Variants in ZNF385B observed in about 807,000 individuals in gnomAD.
ZNF385B encodes zinc finger protein 533.
A neutral mutation model predicts 39.2 loss-of-function variants in ZNF385B; 23 were observed. The ratio of observed to expected loss-of-function variants is 0.59; its 90% CI spans 0.42 to 0.83. The LOEUF is 0.83. ZNF385B is among the 40% of genes least tolerant of loss of function. The pLI, the probability that ZNF385B is intolerant of heterozygous loss-of-function variation, is 0.00. For synonymous variants in ZNF385B, 205 were observed against 222.6 expected (o/e 0.92, Z 0.70); for missense variants, 552 against 598.9 (o/e 0.92, Z 0.82).
intron 3 of ZNF385B, among the ~76,000 whole-genome samples, chr2:179,563,440 T>G (rs1684171295): frequency 6.6e-6 from 1 of 152,214 alleles, no homozygotes; most frequent in Non-Finnish European, 1.5e-5. Context: ...CACCTTTGGT[T>G]GGGCAACTTA....
chr2:179,615,044 CA>C (rs779021823), intron 3 of ZNF385B, among the ~76,000 whole-genome samples: 2 of 152,166 alleles, frequency 1.3e-5, no homozygotes, highest in Non-Finnish European at 2.9e-5. Context: ...CCATCACTAC[CA>C]ACAATCATCT....
chr2:179,641,342 C>T (rs929668419), intron 3 of ZNF385B, among the ~76,000 whole-genome samples: 1 of 152,116 alleles, frequency 6.6e-6, no homozygotes, highest in Non-Finnish European at 1.5e-5. Flanking sequence ...CACACCTTCC[C>T]CATGCAGTTA....
intron 3 of ZNF385B, among the ~76,000 whole-genome samples, chr2:179,733,896 C>T (rs1701567157): frequency 1.3e-5 from 2 of 152,032 alleles, no homozygotes. Context: ...ATTCCCCAGT[C>T]TCCCATGAAA....
rs1266200293 is a variant in ZNF385B at position 179,756,164 on chromosome 2, GGGC to G, written c.298+13336_298+13338del. Among the ~76,000 whole-genome samples, 3 of 151,990 alleles carry G rather than the reference GGGC, an allele frequency of 2.0e-5. No individual in the cohort carries two copies. In the East Asian group the frequency reaches 5.8e-4, roughly 30 times the overall value. ...AGTGCTTCCTTCAGGAGCTCTTTTA[GGGC>G]AGGCCTGGTGGTGACAAAATCTCTC... On this transcript the variant is annotated intron_variant, in intron 3 of 9. Coordinates refer to ENST00000410066, the MANE Select transcript of ZNF385B (RefSeq NM_152520.6).
intron 3 of ZNF385B, among the ~76,000 whole-genome samples, chr2:179,760,653 G>A (rs1703327704): frequency 6.6e-6 from 1 of 152,102 alleles, no homozygotes; most frequent in Non-Finnish European, 1.5e-5. Flanking sequence ...AGATGTGATT[G>A]CTAGGAATCT....
At chr2:179,452,305 TCACC>T (rs1289835534) in intron 6 of ZNF385B, among the ~76,000 whole-genome samples, 1 of 152,104 alleles carries the variant, frequency 6.6e-6, no homozygotes, top group East Asian at 1.9e-4. Flanking sequence ...TCAAAATGTA[TCACC>T]CTTATTTCTT....
intron 3 of ZNF385B, among the ~76,000 whole-genome samples, chr2:179,610,535 C>A (rs1689203269): frequency 6.6e-6 from 1 of 152,052 alleles, no homozygotes; most frequent in Admixed American, 6.6e-5. Flanking sequence ...ATTGGCTAAT[C>A]TGGGTCTTTT....
intron 6 of ZNF385B, among the ~76,000 whole-genome samples, chr2:179,477,036 T>G (rs1283142823): frequency 1.3e-5 from 2 of 152,172 alleles, no homozygotes; most frequent in Non-Finnish European, 2.9e-5. Context: ...CATCACAAGG[T>G]CCTGTTACTA....
chr2:179,473,094 A>G (rs12473469), intron 6 of ZNF385B, among the ~76,000 whole-genome samples: 27,728 of 152,210 alleles, frequency 0.18, 2,919 homozygotes, highest in South Asian at 0.23. Flanking sequence ...CAGGGGCTGC[A>G]GGGGACATAA....
At chr2:179,563,575 C>T (rs1559485125) in intron 3 of ZNF385B, among the ~76,000 whole-genome samples, 1 of 152,040 alleles carries the variant, frequency 6.6e-6, no homozygotes, top group Non-Finnish European at 1.5e-5. Context: ...GACAGGTAAA[C>T]CTAAGTGAAT....
intron 5 of ZNF385B, among the ~76,000 whole-genome samples, chr2:179,502,945 C>T (rs1341004475): frequency 6.6e-6 from 1 of 152,166 alleles, no homozygotes; most frequent in Non-Finnish European, 1.5e-5. Flanking sequence ...GGGATCATGG[C>T]TCACTGCAGG....
intron 3 of ZNF385B, among the ~76,000 whole-genome samples, chr2:179,597,666 T>C (rs2106093126): frequency 6.6e-6 from 1 of 152,338 alleles, no homozygotes; most frequent in Middle Eastern, 3.4e-3. Context: ...TGATACAAGT[T>C]ATATAATACC....
At position 179,522,980 on chromosome 2, in the gene ZNF385B, C is replaced by T. The variant is rs530111758; in HGVS notation, c.442-4342G>A. 91 of 376,530 alleles carry T rather than the reference C, an allele frequency of 2.4e-4. 1 individual carries two copies. Among genetic ancestry groups the T allele is most frequent in the Non-Finnish European group, 3.7e-4 (68 of 183,140 alleles). The allele number at this position is 376,530 out of a possible 1,614,324, so 23.3% of individuals were successfully genotyped here. ...ATTTTGAGGCTAGGAAGCACAATTA[C>T]ATGAAAATTTAAAGACCCATTTTCC... is the stretch of plus-strand genomic sequence containing the variant. On this transcript the variant is annotated intron_variant, in intron 4 of 9. Transcript: ENST00000410066.
intron 3 of ZNF385B, among the ~76,000 whole-genome samples, chr2:179,762,264 A>C (rs1461794465): frequency 6.6e-5 from 10 of 152,064 alleles, no homozygotes; most frequent in Non-Finnish European, 1.3e-4. Context: ...ATTTCGGCTC[A>C]CTGCAACCTC....
At chr2:179,784,445 C>T (rs954440949) in intron 1 of ZNF385B, among the ~76,000 whole-genome samples, 3 of 151,766 alleles carry the variant, frequency 2.0e-5, no homozygotes, top group Non-Finnish European at 4.4e-5. Context: ...AACATACTTT[C>T]ACATGTACCC....
chr2:179,766,897 T>C (rs2106498505), intron 3 of ZNF385B, among the ~76,000 whole-genome samples: 1 of 152,286 alleles, frequency 6.6e-6, no homozygotes, highest in South Asian at 2.1e-4. Context: ...GTCAGTGGGC[T>C]TGCCAGCCTC....
chr2:179,499,419 G>T (rs1574467303), intron 5 of ZNF385B, among the ~76,000 whole-genome samples: 1 of 151,944 alleles, frequency 6.6e-6, no homozygotes, highest in Non-Finnish European at 1.5e-5. Context: ...AATTGAATTA[G>T]ACAATACATT....
chr2:179,446,644 G>A lies in ZNF385B; in HGVS notation c.842C>T (p.Thr281Ile). Residue 281 changes from threonine to isoleucine, a missense_variant, in exon 7 of 10, where the codon ACA (threonine) becomes ATA (isoleucine). Physicochemically the swap from Thr to Ile is moderately conservative, Grantham distance 89 (BLOSUM62 -1). Coordinates refer to ENST00000410066, the MANE Select transcript of ZNF385B (RefSeq NM_152520.6). ...PGAATSPSKS[T>I]NGAPGTVVES... ...AACAACAGTACCGGGAGCTCCATTT[G>A]TGCTCTTGGAGGGAGAAGTGGCTGC... The A allele has an allele frequency of 6.2e-7, 1 of 1,613,986 alleles. No homozygotes were observed.
At chr2:179,482,146 A>G (rs1226273699) in intron 6 of ZNF385B, among the ~76,000 whole-genome samples, 9 of 152,244 alleles carry the variant, frequency 5.9e-5, no homozygotes, top group Non-Finnish European at 1.2e-4. Context: ...GGCCTAATCA[A>G]TAATGGTCCC....
Sources: gnomAD v4.1 joint callset for allele counts (sites outside exome capture counted in the v4.1 genomes callset) on GRCh38, gnomAD v4.1.1 for gene constraint, MANE v1.5 for transcripts, NCBI Gene and HGNC (gene_info 2026-07-23, HGNC 2026-07-21) for gene names.